The following ZNF76 variants were observed in gnomAD, a reference collection of about 807,000 sequenced individuals.
ZNF76 encodes the protein zinc finger protein 523.
In ZNF76, 66 loss-of-function variants were observed where a neutral mutation model predicts 66.9. The observed-to-expected ratio is 0.99, with a 90% confidence interval of 0.81 to 1.21. ZNF76 has a LOEUF of 1.21. Ranked by LOEUF, ZNF76 falls within the 50% of genes most tolerant of loss-of-function variation. ZNF76 has a pLI of 0.00. For synonymous variants in ZNF76, 275 were observed against 296.1 expected (o/e 0.93, Z 0.73); for missense variants, 729 against 760.3 (o/e 0.96, Z 0.48).
intron 1 of ZNF76, among the ~76,000 whole-genome samples, chr6:35,266,941 C>T (rs1227632073): frequency 1.3e-5 from 2 of 151,348 alleles, no homozygotes; most frequent in African/African-American, 4.9e-5. Flanking sequence ...GCTGGGACTA[C>T]AGGTGCCCAC....
chr6:35,272,008 G>A (rs1398125782), intron 1 of ZNF76, among the ~76,000 whole-genome samples: 3 of 152,082 alleles, frequency 2.0e-5, no homozygotes, highest in Non-Finnish European at 2.9e-5. Flanking sequence ...GGGAGGCTGA[G>A]GTGGGAGGAT....
chr6:35,272,714 C>T (rs1042776209), intron 1 of ZNF76, among the ~76,000 whole-genome samples: 1 of 152,174 alleles, frequency 6.6e-6, no homozygotes, highest in Non-Finnish European at 1.5e-5. Flanking sequence ...TCATGGCTCT[C>T]CAAAGCCTCA....
intron 1 of ZNF76, among the ~76,000 whole-genome samples, chr6:35,266,184 G>A (rs1582024671): frequency 1.3e-5 from 2 of 150,050 alleles, no homozygotes; most frequent in South Asian, 4.2e-4. Context: ...AAGACATCTC[G>A]CTCTGTCGCC....
chr6:35,286,380 C>G lies in ZNF76; in HGVS notation c.213C>G (p.Tyr71Ter). 1 of 1,614,142 alleles carries G rather than the reference C, an allele frequency of 6.2e-7. No individual in the cohort carries two copies. Among genetic ancestry groups the G allele is most frequent in the East Asian group, 2.2e-5 (1 of 44,882 alleles). ...PVQLEDGSMA[Y>*]IHRTPREGYD... ...AGCTGGAAGATGGCAGCATGGCTTA[C>G]ATACACCGCACACCCAGAGGTAGGG... is the stretch of plus-strand genomic sequence containing the variant. Residue 71 changes from tyrosine (Y) to a stop codon, truncating the protein, a stop_gained, in exon 4 of 14, where the codon TAC becomes TAG. Coordinates refer to ENST00000373953, the MANE Select transcript of ZNF76 (RefSeq NM_003427.5). LOFTEE classifies it high-confidence loss of function.
rs554412837 is a variant in ZNF76 at position 35,288,108 on chromosome 6, A to C, written c.432+263A>C. ...TCACTTTTGTTTACGCTGTCTTTGCAGAGGGAAAGCTGCCATAAGAAACAG... is the reference window on the plus strand; with the variant it reads ...TCACTTTTGTTTACGCTGTCTTTGCCGAGGGAAAGCTGCCATAAGAAACAG... On this transcript the variant is annotated intron_variant, in intron 5 of 13. Coordinates refer to ENST00000373953, the MANE Select transcript of ZNF76 (RefSeq NM_003427.5). 1.5e-4 allele frequency: 101 copies of C among 652,728 alleles called. No individual in the cohort carries two copies. In the East Asian group the frequency reaches 3.0e-3, roughly 19 times the overall value. The allele number at this position is 652,728 out of a possible 1,614,324, so 40.4% of individuals were successfully genotyped here. A position where few individuals can be genotyped will look rare whatever the true frequency, so the allele number is the denominator to read the frequency against.
Position 35,287,983 on chromosome 6 carries a change from C to A in ZNF76, c.432+138C>A. ...GTGCTTGGGCACCATGTGGGATATT[C>A]CCTTTGCCCCTCCACCCCAGCTCCC... On this transcript the variant is annotated intron_variant, in intron 5 of 13. Coordinates refer to ENST00000373953, the MANE Select transcript of ZNF76 (RefSeq NM_003427.5). This position sits in a 1 kb window ranked among gnomAD's most constrained non-coding sequence, Gnocchi z 4.0. The A allele has an allele frequency of 1.0e-6, 1 of 983,738 alleles. No homozygotes were observed. The highest frequency in any genetic ancestry group is 1.6e-6 in the Non-Finnish European group (1 of 642,008). 60.9% of individuals were successfully genotyped at this position (983,738 alleles called of 1,614,324 possible).
chr6:35,290,479 C>T (rs1218058864), intron 6 of ZNF76, 97 bp downstream of exon 6: 29 of 1,558,684 alleles, frequency 1.9e-5, no homozygotes, highest in South Asian at 1.3e-4. Context: ...CCTGCCCTCA[C>T]GTTGCTGGAG....
chr6:35,294,374 T>C lies in ZNF76; in HGVS notation c.1495-82T>C. 4 of 978,340 alleles carry C rather than the reference T, an allele frequency of 4.1e-6. No homozygotes were observed. The South Asian group carries it at 5.4e-5, about 13-fold the overall frequency. The allele number at this position is 978,340 out of a possible 1,614,324, so 60.6% of individuals were successfully genotyped here. A position where few individuals can be genotyped will look rare whatever the true frequency, so the allele number is the denominator to read the frequency against. On this transcript the variant is annotated intron_variant, in intron 12 of 13. Coordinates refer to ENST00000373953, the MANE Select transcript of ZNF76 (RefSeq NM_003427.5). ...TCTCTTCTGGGTTGTTCCCAGCACC[T>C]TAATTGGAGGGATGTTTATTTGGAT...
At position 35,291,551 on chromosome 6, in the gene ZNF76, T is replaced by A; in HGVS notation, c.752-7T>A. 3.7e-6 allele frequency: 6 copies of A among 1,610,856 alleles called. No homozygotes were observed. Among genetic ancestry groups the A allele is most frequent in the Non-Finnish European group, 5.1e-6 (6 of 1,177,268 alleles). On this transcript the variant is annotated splice_region_variant and splice_polypyrimidine_tract_variant and intron_variant, in intron 8 of 13. Coordinates refer to ENST00000373953, the MANE Select transcript of ZNF76 (RefSeq NM_003427.5). ...ACACCCCTCCTCACATCCCACCATT[T>A]GCATAGGTGAACGCCCGTTCCAGTG...
intron 2 of ZNF76, among the ~76,000 whole-genome samples, chr6:35,282,761 C>A (rs1788958437): frequency 6.6e-6 from 1 of 152,154 alleles, no homozygotes; most frequent in African/African-American, 2.4e-5. Flanking sequence ...TTATTGATTT[C>A]ATTTTAAGTT....
chr6:35,290,127 T>C (rs1201053281), intron 5 of ZNF76, 139 bp from the exon 6 acceptor site: 13 of 1,126,380 alleles, frequency 1.2e-5, no homozygotes, highest in Middle Eastern at 2.8e-4. Flanking sequence ...TCCTTGTCCG[T>C]CTAGTTATGT....
rs749765488 is a variant in ZNF76, at chr6:35,290,643, G to A, written c.552G>A (p.Val184=). The A allele has an allele frequency of 5.0e-6, 8 of 1,614,204 alleles. No individual in the cohort carries two copies. Among genetic ancestry groups the A allele is most frequent in the Non-Finnish European group, 3.4e-6 (4 of 1,180,032 alleles). ...RLYTTAHHLK[V]HERAHTGDRP... ...TATGTGATTGCTTGTCCTCACAGGT[G>A]CATGAACGAGCTCATACAGGTGACC... is the stretch of plus-strand genomic sequence containing the variant. The change falls in exon 7 of 14, where the codon GTG becomes GTA. Residue 184 remains valine (V), a splice_region_variant and synonymous_variant. Coordinates refer to ENST00000373953, the MANE Select transcript of ZNF76 (RefSeq NM_003427.5).
intron 1 of ZNF76, among the ~76,000 whole-genome samples, chr6:35,263,443 G>A (rs1785541495): frequency 1.3e-5 from 2 of 152,218 alleles, no homozygotes; most frequent in South Asian, 4.1e-4. Context: ...GAAGTCTGAA[G>A]AGTCAGTAGC....
At chr6:35,288,849 C>G (rs1789972455) in intron 5 of ZNF76, among the ~76,000 whole-genome samples, 1 of 151,040 alleles carries the variant, frequency 6.6e-6, no homozygotes, top group Non-Finnish European at 1.5e-5. Flanking sequence ...GTGGTCCCAG[C>G]TACTGGGAAG....
At chr6:35,265,727 T>A (rs1785947951) in intron 1 of ZNF76, among the ~76,000 whole-genome samples, 1 of 151,706 alleles carries the variant, frequency 6.6e-6, no homozygotes, top group Non-Finnish European at 1.5e-5. Flanking sequence ...GTGCCCTATA[T>A]ATTCAAGAAA....
chr6:35,261,901 C>G (rs893307758), intron 1 of ZNF76, among the ~76,000 whole-genome samples: 2 of 152,148 alleles, frequency 1.3e-5, no homozygotes, highest in African/African-American at 2.4e-5. Flanking sequence ...CTCATATCCC[C>G]TGAAGCCCCT....
At chr6:35,260,105 A>C in intron 1 of ZNF76, among the ~76,000 whole-genome samples, 1 of 99,030 alleles carries the variant, frequency 1.0e-5, no homozygotes, top group African/African-American at 3.7e-5. Context: ...CACCCCACCC[A>C]CTGACCCCAA....
At chr6:35,259,578 G>C (rs1784867979), upstream of ZNF76, 1 of 152,334 alleles carries the variant, frequency 6.6e-6, no homozygotes, top group South Asian at 2.1e-4. Context: ...CAGGAGCCCC[G>C]GAACCAGGAT....
chr6:35,287,917 C>T lies in ZNF76; in HGVS notation c.432+72C>T, dbSNP rs1279243443. 1 of 1,496,706 alleles carries T rather than the reference C, an allele frequency of 6.7e-7. No homozygotes were observed. Among genetic ancestry groups the T allele is most frequent in the Non-Finnish European group, 9.1e-7 (1 of 1,104,308 alleles). The allele number at this position is 1,496,706 out of a possible 1,614,324, so 92.7% of individuals were successfully genotyped here. On this transcript the variant is annotated intron_variant, in intron 5 of 13. Coordinates refer to ENST00000373953, the MANE Select transcript of ZNF76 (RefSeq NM_003427.5). The surrounding 1 kb of genome is among the most constrained non-coding windows in gnomAD (Gnocchi z 4.0). ...CCTGGCCTGCGCACTGCCTCTTGGCCCTGCCAGAACTTCACCTCTCAAGAG... is the reference window on the plus strand; with the variant it reads ...CCTGGCCTGCGCACTGCCTCTTGGCTCTGCCAGAACTTCACCTCTCAAGAG...
Sources: allele counts gnomAD v4.1 joint callset (sites outside exome capture counted in the v4.1 genomes callset), GRCh38; gene constraint gnomAD v4.1.1; non-coding constraint Gnocchi (gnomAD v3.1); transcripts MANE v1.5; gene names NCBI Gene and HGNC (gene_info 2026-07-23, HGNC 2026-07-21).